Variants in PRKN observed in about 807,000 individuals in gnomAD.
PRKN encodes the protein parkin RBR E3 ubiquitin protein ligase, also known as E3 ubiquitin-protein ligase parkin.
PRKN carries 56 observed loss-of-function variants against 59.5 expected under a neutral mutation model. That is an observed-to-expected ratio of 0.94 (90% CI 0.76 to 1.18). The LOEUF (loss-of-function observed/expected upper bound fraction) is 1.18. Ranked by LOEUF, PRKN falls within the 50% of genes most tolerant of loss-of-function variation. The pLI, the probability that PRKN is intolerant of heterozygous loss-of-function variation, is 0.00. For synonymous variants in PRKN, 250 were observed against 222.1 expected, an observed-to-expected ratio of 1.13 and a Z score of -1.12; for missense variants, 657 against 596.4, an observed-to-expected ratio of 1.10 and a Z score of -1.06.
At chr6:161,778,453 T>C (rs1384531781) in intron 7 of PRKN, among the ~76,000 whole-genome samples, 2 of 152,208 alleles carry the variant, frequency 1.3e-5, no homozygotes, top group African/African-American at 2.4e-5. Context: ...AAAATGTCCT[T>C]TGATTGCATA....
chr6:162,706,612 G>A (rs1001359703), intron 1 of PRKN, among the ~76,000 whole-genome samples: 4 of 152,182 alleles, frequency 2.6e-5, no homozygotes, highest in African/African-American at 7.2e-5. Context: ...TTGGACAAGC[G>A]ATCTGACCTC....
chr6:162,133,478 T>C (rs560381260), intron 4 of PRKN, among the ~76,000 whole-genome samples: 1 of 152,252 alleles, frequency 6.6e-6, no homozygotes, highest in South Asian at 2.1e-4. Flanking sequence ...GAGTTCTATT[T>C]GGGACATGTA....
intron 7 of PRKN, among the ~76,000 whole-genome samples, chr6:161,757,711 G>A (rs1465526447): frequency 1.3e-5 from 2 of 151,532 alleles, no homozygotes; most frequent in Non-Finnish European, 2.9e-5. Context: ...GGTGGCGTGT[G>A]CCTGTAATCC....
intron 2 of PRKN, among the ~76,000 whole-genome samples, chr6:162,360,830 G>A (rs958031983): frequency 6.6e-6 from 1 of 152,168 alleles, no homozygotes; most frequent in Non-Finnish European, 1.5e-5. Flanking sequence ...CTGCACCTCT[G>A]ATTGTGCTGG....
intron 6 of PRKN, among the ~76,000 whole-genome samples, chr6:161,970,370 C>T (rs2128251020): frequency 6.7e-6 from 1 of 150,032 alleles, no homozygotes; most frequent in Middle Eastern, 3.4e-3. Flanking sequence ...TCATAATGTC[C>T]TGCTAAATGG....
At chr6:161,926,188 G>C (rs1235887201) in intron 6 of PRKN, among the ~76,000 whole-genome samples, 4 of 152,180 alleles carry the variant, frequency 2.6e-5, no homozygotes, top group Non-Finnish European at 4.4e-5. Context: ...CTTCGTTCTT[G>C]ACCTGTAGAA....
At chr6:161,615,628 C>G (rs990840977) in intron 7 of PRKN, among the ~76,000 whole-genome samples, 1 of 152,256 alleles carries the variant, frequency 6.6e-6, no homozygotes, top group African/African-American at 2.4e-5. Flanking sequence ...CGTGGGCTGC[C>G]AGGACCCTTG....
At chr6:161,383,017 G>A (rs76842786) in intron 10 of PRKN, among the ~76,000 whole-genome samples, 1,725 of 152,326 alleles carry the variant, frequency 0.011, 26 homozygotes, top group African/African-American at 0.04. Flanking sequence ...GAGGGCTGAT[G>A]AGGGTATTTA....
chr6:162,535,465 C>G (rs550523246), intron 1 of PRKN, among the ~76,000 whole-genome samples: 86 of 152,190 alleles, frequency 5.7e-4, no homozygotes, highest in African/African-American at 2.0e-3. Context: ...GATCATCTGT[C>G]TCTCAGAGTA....
Position 162,666,115 on chromosome 6 carries a change from T to C in PRKN, c.7+61547A>G, listed in dbSNP as rs142693540. Among the ~76,000 whole-genome samples, 33 of 152,254 alleles carry C rather than the reference T, an allele frequency of 2.2e-4. 1 individual carries two copies. The East Asian group carries it at 3.1e-3, about 14-fold the overall frequency. On this transcript the variant is annotated intron_variant, in intron 1 of 11. Transcript: ENST00000366898. ...AATCTAGGCAATACCATTCAGGACA[T>C]AGGCATGGGCAAAGACTTTTAATTA...
At position 161,484,646 on chromosome 6, in the gene PRKN, G is replaced by C. The variant is rs1791569447; in HGVS notation, c.1083+64208C>G. Among the ~76,000 whole-genome samples the C allele has an allele frequency of 6.6e-6, 1 of 152,120 alleles. No homozygotes were observed. Among genetic ancestry groups the C allele is most frequent in the South Asian group, 2.1e-4 (1 of 4,830 alleles). Reference sequence around the variant, plus strand: ...GTCTGACTCAGGGTGTTCAATCTCAGCACTACTGAAGTTTGAGACCAGGCC... The same window carrying C: ...GTCTGACTCAGGGTGTTCAATCTCACCACTACTGAAGTTTGAGACCAGGCC... On this transcript the variant is annotated intron_variant, in intron 9 of 11. Coordinates refer to ENST00000366898, the MANE Select transcript of PRKN (RefSeq NM_004562.3). The surrounding 1 kb of genome is among the most constrained non-coding windows in gnomAD (Gnocchi z 4.9).
At chr6:162,002,594 CTTCA>C (rs1782101005) in intron 5 of PRKN, among the ~76,000 whole-genome samples, 1 of 129,544 alleles carries the variant, frequency 7.7e-6, no homozygotes, top group South Asian at 2.4e-4. Context: ...TTTTTTTTTG[CTTCA>C]TTCATTTTTC....
intron 7 of PRKN, among the ~76,000 whole-genome samples, chr6:161,673,586 T>G (rs757278724): frequency 6.6e-6 from 1 of 152,184 alleles, no homozygotes; most frequent in Non-Finnish European, 1.5e-5. Context: ...GGGACGTTAT[T>G]TGACTTCAAT....
chr6:162,068,876 C>G (rs1163312393), intron 4 of PRKN, among the ~76,000 whole-genome samples: 1 of 151,978 alleles, frequency 6.6e-6, no homozygotes, highest in Non-Finnish European at 1.5e-5. Flanking sequence ...TGTCCATGCC[C>G]CGTTTAACAA....
In PRKN at chr6:161,359,213, A is replaced by G. The variant is rs554849617; in HGVS notation, c.1285+875T>C. On this transcript the variant is annotated intron_variant, in intron 11 of 11. Coordinates refer to ENST00000366898, the MANE Select transcript of PRKN (RefSeq NM_004562.3). This position sits in a 1 kb window ranked among gnomAD's most constrained non-coding sequence, Gnocchi z 5.4. ...TTATTTTCTCTGCAGGAAGCCACTGATACAGCACTAAGGACTTGTACTGAG... is the reference window on the plus strand; with the variant it reads ...TTATTTTCTCTGCAGGAAGCCACTGGTACAGCACTAAGGACTTGTACTGAG... Among the ~76,000 whole-genome samples, 20 of 152,342 alleles carry G rather than the reference A, an allele frequency of 1.3e-4. No individual in the cohort carries two copies. Among genetic ancestry groups the G allele is most frequent in the Admixed American group, 7.2e-4 (11 of 15,302 alleles).
intron 1 of PRKN, among the ~76,000 whole-genome samples, chr6:162,454,029 C>T (rs1790749081): frequency 1.3e-5 from 2 of 152,134 alleles, no homozygotes; most frequent in African/African-American, 4.8e-5. Flanking sequence ...ATAAGGTATA[C>T]GTTCTCAGTA....
At chr6:162,121,463 T>G (rs1253681704) in intron 4 of PRKN, among the ~76,000 whole-genome samples, 1 of 152,208 alleles carries the variant, frequency 6.6e-6, no homozygotes, top group Non-Finnish European at 1.5e-5. Context: ...CTTGGGCTTA[T>G]ATGTCACTTG....
At chr6:162,271,016 GTTTT>G (rs61368267) in intron 2 of PRKN, among the ~76,000 whole-genome samples, 2 of 108,254 alleles carry the variant, frequency 1.8e-5, no homozygotes, top group African/African-American at 3.8e-5. Context: ...TAATTTTCTA[GTTTT>G]TTTTTTTTTT....
intron 1 of PRKN, among the ~76,000 whole-genome samples, chr6:162,445,556 G>C (rs1394285930): frequency 6.6e-6 from 1 of 151,516 alleles, no homozygotes; most frequent in African/African-American, 2.4e-5. Flanking sequence ...GCAGGGCGTG[G>C]TGGCGTGCAC....
Sources: allele counts gnomAD v4.1 joint callset (sites outside exome capture counted in the v4.1 genomes callset), GRCh38; gene constraint gnomAD v4.1.1; non-coding constraint Gnocchi (gnomAD v3.1); transcripts MANE v1.5; gene names NCBI Gene and HGNC (gene_info 2026-07-23, HGNC 2026-07-21).